Variants in SHISAL1 observed in about 807,000 individuals in gnomAD.
SHISAL1 encodes protein shisa-like-1.
Under a neutral mutation model 22.6 loss-of-function variants are expected in SHISAL1, and 9 were observed. The ratio of observed to expected loss-of-function variants is 0.40; its 90% CI spans 0.24 to 0.70. SHISAL1 has a LOEUF of 0.70. SHISAL1 is among the 30% of genes least tolerant of loss of function. The pLI, the probability that SHISAL1 is intolerant of heterozygous loss-of-function variation, is 0.39. For missense variants in SHISAL1, 246 were observed against 270.6 expected, an observed-to-expected ratio of 0.91 and a Z score of 0.64; for synonymous variants, 119 against 115.4, an observed-to-expected ratio of 1.03 and a Z score of -0.20.
chr22:44,257,721 C>T (rs2055094117), intron 4 of SHISAL1, among the ~76,000 whole-genome samples: 1 of 152,238 alleles, frequency 6.6e-6, no homozygotes, highest in Non-Finnish European at 1.5e-5. Flanking sequence ...GGACTCGCCA[C>T]CGTGCTCAGC....
intron 4 of SHISAL1, among the ~76,000 whole-genome samples, chr22:44,259,520 G>A (rs1023013496): frequency 4.7e-5 from 7 of 150,156 alleles, no homozygotes; most frequent in African/African-American, 1.7e-4. Context: ...CTGGGAAACA[G>A]CAGGATGGGG....
chr22:44,286,388 AG>A (rs1386205995), intron 3 of SHISAL1, among the ~76,000 whole-genome samples: 1 of 151,952 alleles, frequency 6.6e-6, no homozygotes, highest in African/African-American at 2.4e-5. Flanking sequence ...TTCCCCACCG[AG>A]GGCTGCTCTG....
In SHISAL1 at chr22:44,296,809, G is replaced by T. The variant is rs145609877; in HGVS notation, c.144C>A (p.Pro48=). The T allele has an allele frequency of 2.9e-4, 476 of 1,613,908 alleles. 2 individuals carry two copies. In the African/African-American group the frequency reaches 5.7e-3, roughly 19 times the overall value. ...TGAAGGTCTTGTTGTCCGAGAGCCG[G>T]GGGCAGTGGAAGCCAAAGTGGTAGC... ...KGRYHFGFHC[P]RLSDNKTFIL... is the part of the protein sequence containing the mutation. Residue 48 remains proline, a synonymous_variant, in exon 3 of 5, where the codon CCC becomes CCA. Coordinates refer to ENST00000381176, the MANE Select transcript of SHISAL1 (RefSeq NM_001099294.2).
At chr22:44,319,301 G>C in the SHISAL1 span, among the ~76,000 whole-genome samples, 4 of 152,260 alleles carry the variant, frequency 2.6e-5, no homozygotes, top group South Asian at 2.1e-4. Context: ...GCCTCGGAGA[G>C]ATTGTGTTGC....
Position 44,266,485 on chromosome 22 carries a change from T to A in SHISAL1, c.*-16800A>T, listed in dbSNP as rs375781106. Among the ~76,000 whole-genome samples the A allele has an allele frequency of 2.7e-4, 29 of 105,538 alleles. No homozygotes were observed. In the East Asian group the frequency reaches 7.2e-3, roughly 26 times the overall value. 69.2% of individuals were successfully genotyped at this position (105,538 alleles called of 152,430 possible). On this transcript the variant is annotated intron_variant, in intron 4 of 4. Coordinates refer to ENST00000381176, the MANE Select transcript of SHISAL1 (RefSeq NM_001099294.2). ...GTGTGTGTTGGGCTGTGTGTGTGTCTGTTGGGGGCTCTGGTGTATGTGTGT... is the reference window on the plus strand; with the variant it reads ...GTGTGTGTTGGGCTGTGTGTGTGTCAGTTGGGGGCTCTGGTGTATGTGTGT...
At chr22:44,289,538 T>C (rs2055338857) in intron 3 of SHISAL1, among the ~76,000 whole-genome samples, 1 of 151,490 alleles carries the variant, frequency 6.6e-6, no homozygotes, top group Non-Finnish European at 1.5e-5. Context: ...TTGCTGCAAT[T>C]GACACATGAC....
At position 44,271,323 on chromosome 22, in the gene SHISAL1, C is replaced by T. The variant is rs1331007160; in HGVS notation, c.599+14105G>A. 5.3e-5 allele frequency among the ~76,000 whole-genome samples: 8 copies of T among 152,178 alleles called. No homozygotes were observed. The South Asian group carries it at 6.2e-4, about 12-fold the overall frequency. ...ATTCCTGAAGCCATAGGCCCCAGCA[C>T]ACAGGGTGTGACAGGCTCAGTCCCA... On this transcript the variant is annotated intron_variant, in intron 4 of 4. Coordinates refer to ENST00000381176, the MANE Select transcript of SHISAL1 (RefSeq NM_001099294.2).
Position 44,248,404 on chromosome 22 carries a change from C to T in SHISAL1, c.*1281G>A, listed in dbSNP as rs1267068931. On this transcript the variant is annotated 3_prime_UTR_variant, in exon 5 of 5. Coordinates refer to ENST00000381176, the MANE Select transcript of SHISAL1 (RefSeq NM_001099294.2). ...AGTGTGTCTACACTGGCAGCATGGC[C>T]TTTGGAGATGTTTGTGATGATTTAG... is the stretch of plus-strand genomic sequence containing the variant. 1 of 145,944 alleles carries T rather than the reference C, an allele frequency of 6.9e-6. No individual in the cohort carries two copies. Among genetic ancestry groups the T allele is most frequent in the Non-Finnish European group, 1.5e-5 (1 of 67,992 alleles). 9.0% of individuals were successfully genotyped at this position (145,944 alleles called of 1,614,324 possible).
intron 1 of SHISAL1, among the ~76,000 whole-genome samples, chr22:44,308,678 A>T (rs748795351): frequency 6.6e-6 from 1 of 152,156 alleles, no homozygotes; most frequent in Non-Finnish European, 1.5e-5. Context: ...GGTGGGGTTC[A>T]TCTGGGGCCA....
intron 1 of SHISAL1, among the ~76,000 whole-genome samples, chr22:44,305,488 T>C (rs1270340834): frequency 1.3e-5 from 2 of 152,224 alleles, no homozygotes. Flanking sequence ...GTTCCAGAGA[T>C]GAACGCACAC....
At chr22:44,300,699 G>C (rs1414779757) in intron 2 of SHISAL1, among the ~76,000 whole-genome samples, 180 bp downstream of exon 2, 2 of 152,166 alleles carry the variant, frequency 1.3e-5, no homozygotes, top group Non-Finnish European at 2.9e-5. Context: ...GACAGAGACA[G>C]ACAGAGACCA....
intron 1 of SHISAL1, among the ~76,000 whole-genome samples, chr22:44,309,208 G>A (rs1484459952): frequency 2.6e-5 from 4 of 152,226 alleles, no homozygotes; most frequent in Non-Finnish European, 5.9e-5. Context: ...TGGACCAACA[G>A]TTCTGGGCGT....
chr22:44,296,572 G>A (rs2055387371), intron 3 of SHISAL1, 100 bp downstream of exon 3: 3 of 993,576 alleles, frequency 3.0e-6, no homozygotes, highest in African/African-American at 3.2e-5. Context: ...CAACCTTATA[G>A]CGGTTACCCA....
the SHISAL1 span, among the ~76,000 whole-genome samples, chr22:44,318,930 C>G: frequency 6.6e-6 from 1 of 152,256 alleles, no homozygotes; most frequent in Admixed American, 6.5e-5. Flanking sequence ...ATGGGGCTCC[C>G]TCCAGGATGC....
intron 4 of SHISAL1, among the ~76,000 whole-genome samples, chr22:44,251,590 A>G (rs2055047978): frequency 6.6e-6 from 1 of 152,198 alleles, no homozygotes; most frequent in Non-Finnish European, 1.5e-5. Context: ...ATGTCTGGGG[A>G]GGCCTCACAA....
chr22:44,261,077 T>TTATATATA (rs56290835), intron 4 of SHISAL1, among the ~76,000 whole-genome samples: 2,387 of 108,644 alleles, frequency 0.022, 116 homozygotes, highest in African/African-American at 0.044. Context: ...CTTCATTACT[T>TTATATATA]TATATATATA....
intron 4 of SHISAL1, among the ~76,000 whole-genome samples, chr22:44,272,192 T>A (rs1469996479): frequency 6.6e-6 from 1 of 152,192 alleles, no homozygotes; most frequent in East Asian, 1.9e-4. Flanking sequence ...TCCCAACAGC[T>A]GCACCCTGGG....
At chr22:44,303,403 ACT>A (rs894311386) in intron 1 of SHISAL1, among the ~76,000 whole-genome samples, 2 of 152,076 alleles carry the variant, frequency 1.3e-5, no homozygotes, top group African/African-American at 4.8e-5. Context: ...ATCCAAGAAG[ACT>A]GGTGTTTTTT....
chr22:44,326,235 T>C, the SHISAL1 span, among the ~76,000 whole-genome samples: 3 of 152,204 alleles, frequency 2.0e-5, no homozygotes, highest in African/African-American at 7.2e-5. Context: ...CGCTGGATTA[T>C]GGAAGGAATT....
Sources: gnomAD v4.1 joint callset for allele counts (sites outside exome capture counted in the v4.1 genomes callset) on GRCh38, gnomAD v4.1.1 for gene constraint, MANE v1.5 for transcripts, NCBI Gene and HGNC (gene_info 2026-07-23, HGNC 2026-07-21) for gene names.